Variants in SLC16A4 observed in about 807,000 individuals in gnomAD.
SLC16A4 encodes probable monocarboxylate transporter 5.
Under a neutral mutation model 47.9 loss-of-function variants are expected in SLC16A4, and 39 were observed. The ratio of observed to expected loss-of-function variants is 0.81; its 90% confidence interval spans 0.63 to 1.06. The LOEUF is 1.06. Among genes scored for constraint, SLC16A4 ranks in the 50% least tolerant of loss-of-function variants. The pLI is 0.00. For synonymous variants in SLC16A4, 189 were observed against 199.9 expected, an observed-to-expected ratio of 0.95 and a Z score of 0.46; for missense variants, 524 against 573.8, an observed-to-expected ratio of 0.91 and a Z score of 0.89.
At chr1:110,378,713 T>C (rs986631616) in intron 6 of SLC16A4, 140 bp downstream of exon 6, 3 of 981,528 alleles carry the variant, frequency 3.1e-6, no homozygotes, top group Non-Finnish European at 1.5e-6. Context: ...GTGCTCCATC[T>C]AGCCTCAAAA....
intron 8 of SLC16A4, among the ~76,000 whole-genome samples, chr1:110,364,132 T>C (rs1380801903): frequency 1.3e-5 from 2 of 152,226 alleles, no homozygotes; most frequent in Non-Finnish European, 2.9e-5. Context: ...CATACCGTTT[T>C]ATTTTACCAT....
chr1:110,376,882 G>A (rs1215785680), intron 7 of SLC16A4, 68 bp downstream of exon 7: 10 of 1,250,272 alleles, frequency 8.0e-6, no homozygotes, highest in Non-Finnish European at 9.0e-6. Context: ...TACGTATTTT[G>A]GGGAGATTGT....
At chr1:110,380,074 G>T (rs989729963) in intron 5 of SLC16A4, among the ~76,000 whole-genome samples, 3 of 75,468 alleles carry the variant, frequency 4.0e-5, no homozygotes, top group Non-Finnish European at 2.8e-5. Context: ...AAAAAAAAAA[G>T]CAGCGGGAGG....
Position 110,363,785 on chromosome 1 carries a change from C to T in SLC16A4, c.1445G>A (p.Trp482Ter). ...SFFFVPLAER[W>*]KNSLT is the part of the protein sequence containing the mutation. ...TTTCTTTCAGGTCAGACTGTTTTTC[C>T]ATCTTTCGGCCAATGGTACAAAAAA... The change falls in exon 9 of 9, where the codon TGG (tryptophan) becomes TAG (stop). Residue 482 changes from tryptophan to a stop codon, truncating the protein, a stop_gained. Transcript: ENST00000369779. LOFTEE classifies it high-confidence loss of function. The T allele has an allele frequency of 3.7e-6, 6 of 1,605,800 alleles. No individual in the cohort carries two copies. Among genetic ancestry groups the T allele is most frequent in the East Asian group, 4.5e-5 (2 of 44,700 alleles).
chr1:110,390,543 TC>T (rs1228103498), intron 1 of SLC16A4, among the ~76,000 whole-genome samples: 4 of 152,192 alleles, frequency 2.6e-5, no homozygotes, highest in Non-Finnish European at 5.9e-5. Context: ...TGGAACCTCT[TC>T]CACAAGAGAA....
chr1:110,366,712 A>G (rs909362988), intron 8 of SLC16A4, among the ~76,000 whole-genome samples: 12 of 152,230 alleles, frequency 7.9e-5, no homozygotes, highest in African/African-American at 2.7e-4. Flanking sequence ...TCATATGACA[A>G]TGAAATCATC....
At chr1:110,382,276 T>C (rs1280399175) in intron 3 of SLC16A4, among the ~76,000 whole-genome samples, 1 of 152,104 alleles carries the variant, frequency 6.6e-6, no homozygotes, top group African/African-American at 2.4e-5. Flanking sequence ...CTGGCCAACA[T>C]GGTGAAACCC....
chr1:110,377,303 A>G (rs1415914459), intron 6 of SLC16A4, 142 bp from the exon 7 acceptor site: 38 of 663,652 alleles, frequency 5.7e-5, no homozygotes, highest in South Asian at 5.7e-4. Flanking sequence ...TGTACCAGTA[A>G]GCTCTATTAT....
intron 2 of SLC16A4, among the ~76,000 whole-genome samples, chr1:110,388,601 G>A (rs1433188312): frequency 6.6e-6 from 1 of 152,200 alleles, no homozygotes; most frequent in Non-Finnish European, 1.5e-5. Flanking sequence ...TTAAAAGTAT[G>A]ATTGTCCCCA....
In SLC16A4 at chr1:110,379,183, C is replaced by T. The variant is rs1249247179; in HGVS notation, c.700G>A (p.Glu234Lys). 2.5e-6 allele frequency: 4 copies of T among 1,614,208 alleles called. No homozygotes were observed. Among genetic ancestry groups the T allele is most frequent in the Non-Finnish European group, 3.4e-6 (4 of 1,180,054 alleles). ...GTAGTACTGTCCTTGATGGTAGACT[C>T]TTCTGTCTCATGGCAGTGTGTTTCT... ...ATETHCHETE[E>K]STIKDSTTQK... Residue 234 changes from glutamate to lysine, a missense_variant, in exon 6 of 9, where the codon GAG becomes AAG. Physicochemically the swap from Glu to Lys is moderately conservative, Grantham distance 56. Coordinates refer to ENST00000369779, the MANE Select transcript of SLC16A4 (RefSeq NM_004696.3).
chr1:110,375,645 A>C (rs1661958342), intron 7 of SLC16A4, 94 bp from the exon 8 acceptor site: 116 of 709,632 alleles, frequency 1.6e-4, no homozygotes, highest in East Asian at 3.4e-4. Context: ...ATATCATCTC[A>C]AGCTATGAAC....
chr1:110,390,355 C>T (rs1662974970), intron 1 of SLC16A4, among the ~76,000 whole-genome samples: 1 of 152,140 alleles, frequency 6.6e-6, no homozygotes, highest in Admixed American at 6.5e-5. Context: ...CCTTAGAAAA[C>T]ACTTGCTAAA....
rs1662185762 is a variant in SLC16A4 at position 110,378,960 on chromosome 1, A to C, written c.923T>G (p.Phe308Cys). The C allele has an allele frequency of 6.2e-7, 1 of 1,614,104 alleles. No individual in the cohort carries two copies. Among genetic ancestry groups the C allele is most frequent in the Admixed American group, 1.7e-5 (1 of 60,000 alleles). ...NPFFYIFTWSFLLSQLAYFIP... is the reference protein window; with the variant it reads ...NPFFYIFTWSCLLSQLAYFIP... Reference sequence around the variant, plus strand: ...GAAGTATGCTAACTGACTGAGGAGAAAAGACCAAGTAAATATGTAGAAGAA... The same window carrying C: ...GAAGTATGCTAACTGACTGAGGAGACAAGACCAAGTAAATATGTAGAAGAA... The change falls in exon 6 of 9, where the codon TTT becomes TGT. Residue 308 changes from phenylalanine (F) to cysteine (C), a missense_variant. Coordinates refer to ENST00000369779, the MANE Select transcript of SLC16A4 (RefSeq NM_004696.3).
chr1:110,379,315 G>C lies in SLC16A4; in HGVS notation c.568C>G (p.Pro190Ala), dbSNP rs559810354. The change falls in exon 6 of 9, where the codon CCT (proline) becomes GCT (alanine). Residue 190 changes from proline to alanine, a missense_variant. Transcript: ENST00000369779. ...ATGGGTCTTAAGAGCATACTAGAAG[G>C]CACCAAATTCAATGCGATAGCTCCA... ...LFGAIALNLV[P>A]SSMLLRPIHI... is the part of the protein sequence containing the mutation. 19 of 1,606,888 alleles carry C rather than the reference G, an allele frequency of 1.2e-5. No individual in the cohort carries two copies. In the East Asian group the frequency reaches 4.0e-4, roughly 34 times the overall value.
chr1:110,377,571 T>C (rs1317115064), intron 6 of SLC16A4, among the ~76,000 whole-genome samples: 1 of 152,206 alleles, frequency 6.6e-6, no homozygotes, highest in Non-Finnish European at 1.5e-5. Context: ...GGAAGTCATA[T>C]TGTAGAAGAT....
chr1:110,383,806 T>G (rs1335722872), intron 2 of SLC16A4, among the ~76,000 whole-genome samples: 388 of 10,402 alleles, frequency 0.037, no homozygotes, highest in Middle Eastern at 0.1. Context: ...TAAAAGGAGG[T>G]TTTTTTTTTT....
chr1:110,388,293 G>T (rs900587789), intron 2 of SLC16A4, among the ~76,000 whole-genome samples: 2 of 152,186 alleles, frequency 1.3e-5, no homozygotes, highest in East Asian at 1.9e-4. Context: ...GTGAGGGAAA[G>T]AAGTTAATTT....
intron 8 of SLC16A4, among the ~76,000 whole-genome samples, chr1:110,366,911 A>G (rs1661429858): frequency 6.6e-6 from 1 of 152,228 alleles, no homozygotes; most frequent in Non-Finnish European, 1.5e-5. Flanking sequence ...ATATTTGATC[A>G]TTGAGATATT....
intron 3 of SLC16A4, 52 bp downstream of exon 3, chr1:110,382,782 T>TG (rs1376102603): frequency 6.9e-7 from 1 of 1,454,274 alleles, no homozygotes; most frequent in Non-Finnish European, 9.2e-7. Flanking sequence ...ATCTTGGAAT[T>TG]GCCCTTTGTG....
Sources: gnomAD v4.1 joint callset for allele counts (sites outside exome capture counted in the v4.1 genomes callset) on GRCh38, gnomAD v4.1.1 for gene constraint, MANE v1.5 for transcripts, NCBI Gene and HGNC (gene_info 2026-07-23, HGNC 2026-07-21) for gene names.